AP3B2: variants seen among roughly 807,000 people sequenced by gnomAD.
AP3B2 encodes the protein AP-3 complex subunit beta-2.
AP3B2 carries 50 observed loss-of-function variants against 126.9 expected under a neutral mutation model. The ratio of observed to expected loss-of-function variants is 0.39; its 90% CI spans 0.31 to 0.50. The LOEUF (loss-of-function observed/expected upper bound fraction) is 0.50, where lower values mean the gene tolerates loss of function less well. AP3B2 is among the 20% of genes least tolerant of loss of function. AP3B2 has a pLI of 0.79. For synonymous variants in AP3B2, 541 were observed against 565.0 expected, an observed-to-expected ratio of 0.96 and a Z score of 0.60; for missense variants, 1,177 against 1,426.4, an observed-to-expected ratio of 0.83 and a Z score of 2.82.
intron 14 of AP3B2, among the ~76,000 whole-genome samples, chr15:82,669,513 G>A (rs913842191): frequency 6.6e-6 from 1 of 151,922 alleles, no homozygotes; most frequent in Non-Finnish European, 1.5e-5. Context: ...CCAACATGAT[G>A]AAATCCTGTC....
intron 1 of AP3B2, among the ~76,000 whole-genome samples, chr15:82,693,883 T>G (rs947699613): frequency 1.3e-5 from 2 of 151,954 alleles, no homozygotes; most frequent in Non-Finnish European, 2.9e-5. Context: ...GTATTTTTAG[T>G]AGAGATGAGG....
At chr15:82,683,128 G>C (rs551442133) in intron 4 of AP3B2, among the ~76,000 whole-genome samples, 1 of 135,736 alleles carries the variant, frequency 7.4e-6, no homozygotes. Context: ...GCGAGATCTC[G>C]GGTCACTGCA....
Position 82,681,467 on chromosome 15 carries a change from T to C in AP3B2, c.474A>G (p.Ser158=). 6.2e-7 allele frequency: 1 copy of C among 1,613,770 alleles called. No homozygotes were observed. Among genetic ancestry groups the C allele is most frequent in the Non-Finnish European group, 8.5e-7 (1 of 1,179,838 alleles). The change falls in exon 5 of 27, where the codon TCA becomes TCG. Residue 158 remains serine, a synonymous_variant. Coordinates refer to ENST00000535359, the MANE Select transcript of AP3B2 (RefSeq NM_001278512.2). This position sits in a 1 kb window ranked among gnomAD's most constrained non-coding sequence, Gnocchi z 4.0. Reference sequence around the variant, plus strand: ...GGGCAGCTGTTTTCCGCACATAGGGTGACATGTCCGAGGCGGCTTCCTTGA... The same window carrying C: ...GGGCAGCTGTTTTCCGCACATAGGGCGACATGTCCGAGGCGGCTTCCTTGA... ...LAIKEAASDM[S]PYVRKTAAHA...
At position 82,678,137 on chromosome 15, in the gene AP3B2, T is replaced by C. The variant is rs2048275647; in HGVS notation, c.1213A>G (p.Thr405Ala). 3 of 1,613,862 alleles carry C rather than the reference T, an allele frequency of 1.9e-6. No homozygotes were observed. The highest frequency in any genetic ancestry group is 2.5e-6 in the Non-Finnish European group (3 of 1,179,868). The change falls in exon 11 of 27, where the codon ACC (threonine) becomes GCC (alanine). Residue 405 changes from threonine (T) to alanine (A), a missense_variant. By Grantham distance (58) the Thr-to-Ala change is moderately conservative (BLOSUM62 0). This residue lies in a region of AP3B2 where 308 missense variants were observed against 452.4 expected (regional missense o/e 0.68). Coordinates refer to ENST00000535359, the MANE Select transcript of AP3B2 (RefSeq NM_001278512.2). Reference protein sequence around the residue: ...LEVLTNLANETNIPTVLREFQ... With the variant: ...LEVLTNLANEANIPTVLREFQ... ...TCCCGTAGGACAGTAGGAATGTTGG[T>C]CTCATTGGCCAGGTTGGTCAGCACT... is the stretch of plus-strand genomic sequence containing the variant.
chr15:82,664,039 C>T lies in AP3B2; in HGVS notation c.2262-64G>A. 4 of 1,539,480 alleles carry T rather than the reference C, an allele frequency of 2.6e-6. No individual in the cohort carries two copies. In the South Asian group the frequency reaches 3.6e-5, roughly 14 times the overall value. Reference sequence around the variant, plus strand: ...ACACTCCCTCCTTGCTTCACAGAAGCAGGAGAAATGCTGAAAAGCTGGAGT... The same window carrying T: ...ACACTCCCTCCTTGCTTCACAGAAGTAGGAGAAATGCTGAAAAGCTGGAGT... On this transcript the variant is annotated intron_variant, in intron 19 of 26. Transcript: ENST00000535359. This position sits in a 1 kb window ranked among gnomAD's most constrained non-coding sequence, Gnocchi z 4.5.
Position 82,709,875 on chromosome 15 carries a change from C to T in AP3B2, c.-169G>A. 1 of 486,018 alleles carries T rather than the reference C, an allele frequency of 2.1e-6. No individual in the cohort carries two copies. Among genetic ancestry groups the T allele is most frequent in the Non-Finnish European group, 3.5e-6 (1 of 287,458 alleles). The allele number at this position is 486,018 out of a possible 1,614,324, so 30.1% of individuals were successfully genotyped here. ...CGGCGGAGGCTGCGCGCGGATTTCT[C>T]AATCAGGGCCGCGCGCTGAGGTCTT... On this transcript the variant is annotated 5_prime_UTR_variant, in exon 1 of 27. Coordinates refer to ENST00000535359, the MANE Select transcript of AP3B2 (RefSeq NM_001278512.2).
In AP3B2 at chr15:82,666,894, A is replaced by G; in HGVS notation, c.1705T>C (p.Tyr569His). The change falls in exon 15 of 27, where the codon TAT (tyrosine) becomes CAT (histidine). Residue 569 changes from tyrosine (Y) to histidine (H), a missense_variant. Coordinates refer to ENST00000535359, the MANE Select transcript of AP3B2 (RefSeq NM_001278512.2). Reference sequence around the variant, plus strand: ...TCGCGAATATCATAGTTCTGGTCATATTTGGCCAGACTCAGCACATACTGG... The same window carrying G: ...TCGCGAATATCATAGTTCTGGTCATGTTTGGCCAGACTCAGCACATACTGG... ...LTQYVLSLAK[Y>H]DQNYDIRDRA... 1.2e-6 allele frequency: 2 copies of G among 1,613,836 alleles called. No homozygotes were observed. Among genetic ancestry groups the G allele is most frequent in the Non-Finnish European group, 1.7e-6 (2 of 1,179,810 alleles).
chr15:82,661,428 C>T (rs2047945784), intron 25 of AP3B2, among the ~76,000 whole-genome samples: 1 of 152,210 alleles, frequency 6.6e-6, no homozygotes, highest in Admixed American at 6.5e-5. Context: ...AGACCAAATC[C>T]AGCCCACCAC....
rs549125707 is a variant in AP3B2 at position 82,688,884 on chromosome 15, C to A, written c.265-53G>T. On this transcript the variant is annotated intron_variant, in intron 3 of 26. Transcript: ENST00000535359. ...ACGCTTCTCAGCAGGCACCTGTGCC[C>A]ACCCCCCTACCCCTGGGATGTCATC... is the stretch of plus-strand genomic sequence containing the variant. The A allele has an allele frequency of 6.8e-5, 102 of 1,495,594 alleles. No individual in the cohort carries two copies. The African/African-American group carries it at 1.3e-3, about 19-fold the overall frequency. 92.6% of individuals were successfully genotyped at this position (1,495,594 alleles called of 1,614,324 possible).
intron 1 of AP3B2, chr15:82,692,123 G>C: frequency 6.7e-7 from 1 of 1,493,612 alleles, no homozygotes; most frequent in Non-Finnish European, 9.3e-7. Context: ...CGTAAGTCCT[G>C]GAGAACTCCA....
chr15:82,690,909 G>T (rs917795520), intron 1 of AP3B2, among the ~76,000 whole-genome samples: 2 of 152,056 alleles, frequency 1.3e-5, no homozygotes, highest in African/African-American at 4.8e-5. Flanking sequence ...ACCCGTCTTG[G>T]CCTCCCAAAG....
At chr15:82,692,108 G>A in intron 1 of AP3B2, 3 of 1,492,772 alleles carry the variant, frequency 2.0e-6, no homozygotes, top group South Asian at 1.2e-5. Context: ...CACCCACCCC[G>A]ACTTCGTAAG....
rs1404004504 is a variant in AP3B2, at chr15:82,665,469, C to T, written c.1959G>A (p.Val653=). 11 of 1,613,264 alleles carry T rather than the reference C, an allele frequency of 6.8e-6. No individual in the cohort carries two copies. The highest frequency in any genetic ancestry group is 9.3e-6 in the Non-Finnish European group (11 of 1,179,692). Residue 653 remains valine, a synonymous_variant, in exon 16 of 27, where the codon GTG becomes GTA. Coordinates refer to ENST00000535359, the MANE Select transcript of AP3B2 (RefSeq NM_001278512.2). The surrounding 1 kb of genome is among the most constrained non-coding windows in gnomAD (Gnocchi z 4.4). Reference sequence around the variant, plus strand: ...CCACCCCGCTGACCTCCACGTTGCGCACAGATGGGTCTGGGGCTTCCTCCG... The same window carrying T: ...CCACCCCGCTGACCTCCACGTTGCGTACAGATGGGTCTGGGGCTTCCTCCG... The part of the protein sequence containing the change: ...DWPEEAPDPS[V]RNVEEEDLSL...
chr15:82,706,885 C>T (rs890108077), intron 1 of AP3B2, among the ~76,000 whole-genome samples: 4 of 152,084 alleles, frequency 2.6e-5, no homozygotes, highest in Admixed American at 6.5e-5. Context: ...TTGTTCAGGC[C>T]CCCTCCCTTC....
Position 82,688,725 on chromosome 15 carries a change from A to G in AP3B2, c.360+11T>C. On this transcript the variant is annotated intron_variant, in intron 4 of 26. Coordinates refer to ENST00000535359, the MANE Select transcript of AP3B2 (RefSeq NM_001278512.2). ...GGCCCAGGCCCTGGGAGGCAAACTG[A>G]GACCCCTGACCTTTAGGCCACGTTG... The G allele has an allele frequency of 6.2e-7, 1 of 1,606,560 alleles. No individual in the cohort carries two copies. The highest frequency in any genetic ancestry group is 1.1e-5 in the South Asian group (1 of 89,352).
intron 1 of AP3B2, among the ~76,000 whole-genome samples, chr15:82,698,972 G>A (rs2048673743): frequency 6.6e-6 from 1 of 152,176 alleles, no homozygotes; most frequent in South Asian, 2.1e-4. Context: ...CACCACCTGA[G>A]GTGAGACCGC....
intron 25 of AP3B2, among the ~76,000 whole-genome samples, chr15:82,661,025 G>C (rs953783211): frequency 6.6e-6 from 1 of 152,106 alleles, no homozygotes; most frequent in Non-Finnish European, 1.5e-5. Flanking sequence ...AGGTAACTGT[G>C]GTTTGCAGAC....
In AP3B2 at chr15:82,662,730, G is replaced by A. The variant is rs753001126; in HGVS notation, c.2797C>T (p.Pro933Ser). 4.3e-6 allele frequency: 7 copies of A among 1,613,788 alleles called. No homozygotes were observed. The highest frequency in any genetic ancestry group is 5.9e-6 in the Non-Finnish European group (7 of 1,179,802). Reference sequence around the variant, plus strand: ...AATTCTTGGATGCTGATGCCAGCAGGCAGTTTGGGAGTGCCCACATGCAGG... The same window carrying A: ...AATTCTTGGATGCTGATGCCAGCAGACAGTTTGGGAGTGCCCACATGCAGG... ...KGLHVGTPKL[P>S]AGISIQEFPE... The change falls in exon 23 of 27, where the codon CCT (proline) becomes TCT (serine). Residue 933 changes from proline (P) to serine (S), a missense_variant. Pro to Ser is a moderately conservative substitution (Grantham distance 74, BLOSUM62 -1). Transcript: ENST00000535359.
chr15:82,694,656 G>T (rs1459476546), intron 1 of AP3B2, among the ~76,000 whole-genome samples: 1 of 151,310 alleles, frequency 6.6e-6, no homozygotes, highest in African/African-American at 2.4e-5. Flanking sequence ...CTGCACTCCA[G>T]CCTAGGCAAC....
Sources: allele counts gnomAD v4.1 joint callset (sites outside exome capture counted in the v4.1 genomes callset), GRCh38; gene constraint gnomAD v4.1.1; regional missense constraint gnomAD v4.1.1; non-coding constraint Gnocchi (gnomAD v3.1); transcripts MANE v1.5; gene names NCBI Gene and HGNC (gene_info 2026-07-23, HGNC 2026-07-21).